The following CDK5RAP2 variants were observed in gnomAD, a reference collection of about 807,000 sequenced individuals.
CDK5RAP2 encodes the protein CDK5 regulatory subunit associated protein 2.
In CDK5RAP2, 147 loss-of-function variants were observed where a neutral mutation model predicts 232.9. That is an observed-to-expected ratio of 0.63 (90% CI 0.55 to 0.72). The LOEUF (loss-of-function observed/expected upper bound fraction) is 0.72. Among genes scored for constraint, CDK5RAP2 ranks in the 30% least tolerant of loss-of-function variants. CDK5RAP2 has a pLI of 0.00. For synonymous variants in CDK5RAP2, 833 were observed against 833.7 expected (o/e 1.00, Z 0.01); for missense variants, 2,195 against 2,231.5 (o/e 0.98, Z 0.33).
chr9:120,395,192 A>G (rs10429579), intron 35 of CDK5RAP2, among the ~76,000 whole-genome samples: 1 of 152,080 alleles, frequency 6.6e-6, no homozygotes, highest in Admixed American at 6.5e-5. Context: ...GTCCTGTATA[A>G]AAGGCATTCC....
intron 34 of CDK5RAP2, chr9:120,401,126 A>C: frequency 1.9e-6 from 1 of 524,380 alleles, no homozygotes; most frequent in Non-Finnish European, 3.4e-6. Flanking sequence ...ACCATGGTTA[A>C]TAACCACCAG....
At position 120,400,735 on chromosome 9, in the gene CDK5RAP2, C is replaced by CACCT; in HGVS notation, c.5451+3_5451+6dup. Reference sequence around the variant, plus strand: ...CTTGAGCCTCTGAAACATGTGTCACCACCTACCTGCTCACAGTGAAGGGGG... The same window carrying CACCT: ...CTTGAGCCTCTGAAACATGTGTCACCACCTACCTACCTGCTCACAGTGAAGGGGG... On this transcript the variant is annotated splice_region_variant and intron_variant, in intron 35 of 37. Coordinates refer to ENST00000349780, the MANE Select transcript of CDK5RAP2 (RefSeq NM_018249.6). The CACCT allele has an allele frequency of 2.5e-6, 4 of 1,613,272 alleles. No homozygotes were observed. In the East Asian group the frequency reaches 8.9e-5, roughly 36 times the overall value.
chr9:120,557,758 C>CA lies in CDK5RAP2; in HGVS notation c.196-6857dup, dbSNP rs1211251661. Among the ~76,000 whole-genome samples the CA allele has an allele frequency of 1.2e-4, 15 of 129,694 alleles. No individual in the cohort carries two copies. The South Asian group carries it at 2.4e-3, about 21-fold the overall frequency. 85.1% of individuals were successfully genotyped at this position (129,694 alleles called of 152,430 possible). A position where few individuals can be genotyped will look rare whatever the true frequency, so the allele number is the denominator to read the frequency against. On this transcript the variant is annotated intron_variant, in intron 3 of 37. Coordinates refer to ENST00000349780, the MANE Select transcript of CDK5RAP2 (RefSeq NM_018249.6). ...TGGGTGACAGAGTGAGACCCTCTGTCAAAAAAAAACTTTTTTTTTTTTTTT... is the reference window on the plus strand; with the variant it reads ...TGGGTGACAGAGTGAGACCCTCTGTCAAAAAAAAAACTTTTTTTTTTTTTTT...
At chr9:120,530,274 T>C in intron 7 of CDK5RAP2, 134 bp from the exon 8 acceptor site, 2 of 656,526 alleles carry the variant, frequency 3.0e-6, no homozygotes, top group Non-Finnish European at 5.3e-6. Flanking sequence ...AGAATCACAT[T>C]TTGCAGGTAG....
chr9:120,441,816 T>C (rs757040313), intron 23 of CDK5RAP2, among the ~76,000 whole-genome samples: 43 of 152,358 alleles, frequency 2.8e-4, no homozygotes, highest in Middle Eastern at 3.4e-3. Flanking sequence ...CACAATGTTA[T>C]GATAATTACT....
intron 22 of CDK5RAP2, among the ~76,000 whole-genome samples, 184 bp downstream of exon 22, chr9:120,447,711 T>G (rs900107727): frequency 6.6e-6 from 1 of 152,182 alleles, no homozygotes; most frequent in Non-Finnish European, 1.5e-5. Context: ...ATGAAAGCAA[T>G]AGATTCATTC....
At chr9:120,400,609 G>A (rs1445750602) in intron 35 of CDK5RAP2, 133 bp downstream of exon 35, 7 of 1,037,564 alleles carry the variant, frequency 6.7e-6, no homozygotes, top group African/African-American at 1.6e-5. Flanking sequence ...CATGGCAAAC[G>A]GTGCCATCTC....
In CDK5RAP2 at chr9:120,539,679, C is replaced by T. The variant is rs553794573; in HGVS notation, c.384-515G>A. On this transcript the variant is annotated intron_variant, in intron 5 of 37. Transcript: ENST00000349780. ...AAAGTAAGTATTCAATAAATGTTGG[C>T]GATACTGTTTACTGTAATAAGTAAT... is the stretch of plus-strand genomic sequence containing the variant. Among the ~76,000 whole-genome samples, 6 of 152,272 alleles carry T rather than the reference C, an allele frequency of 3.9e-5. No individual in the cohort carries two copies. The South Asian group carries it at 8.3e-4, about 21-fold the overall frequency.
chr9:120,507,928 A>T (rs2039893006), intron 12 of CDK5RAP2, among the ~76,000 whole-genome samples: 10 of 70,492 alleles, frequency 1.4e-4, no homozygotes, highest in African/African-American at 3.7e-4. Flanking sequence ...AAAAAAAAAA[A>T]AAAAAAAAAA....
chr9:120,407,335 C>T lies in CDK5RAP2; in HGVS notation c.4727-87G>A, dbSNP rs2282167. The T allele has an allele frequency of 2.5e-3, 2,384 of 948,632 alleles. 76 individuals are homozygous for T. The East Asian group carries it at 0.052, about 21-fold the overall frequency. The allele number at this position is 948,632 out of a possible 1,614,324, so 58.8% of individuals were successfully genotyped here. On this transcript the variant is annotated intron_variant, in intron 31 of 37. Transcript: ENST00000349780. ...GGAACTCAATCGCATTTTACACTCA[C>T]CACCACCATCGCCCTCCCCCTTCCT...
At chr9:120,486,409 T>TTA (rs527765866) in intron 14 of CDK5RAP2, among the ~76,000 whole-genome samples, 1 of 132,840 alleles carries the variant, frequency 7.5e-6, no homozygotes, top group African/African-American at 2.7e-5. Context: ...GTTTTTCTTT[T>TTA]AAAAAAAAAA....
intron 19 of CDK5RAP2, among the ~76,000 whole-genome samples, chr9:120,459,858 C>A (rs2036983904): frequency 1.3e-5 from 2 of 152,182 alleles, no homozygotes; most frequent in Non-Finnish European, 2.9e-5. Context: ...ACCCTGAAGG[C>A]CAAAAATGCC....
In CDK5RAP2 at chr9:120,409,325, A is replaced by G. The variant is rs2033699265; in HGVS notation, c.4415-9T>C. 4.5e-6 allele frequency: 7 copies of G among 1,572,048 alleles called. No homozygotes were observed. The highest frequency in any genetic ancestry group is 6.0e-6 in the Non-Finnish European group (7 of 1,158,358). On this transcript the variant is annotated splice_polypyrimidine_tract_variant and intron_variant, in intron 29 of 37. Coordinates refer to ENST00000349780, the MANE Select transcript of CDK5RAP2 (RefSeq NM_018249.6). ...ATTCTCCTTCTGTTTATCTGCAAAC[A>G]TAAAAAGGTGCCACTGAGAAGGGCC...
chr9:120,452,240 C>T (rs1169945642), intron 21 of CDK5RAP2, among the ~76,000 whole-genome samples: 1 of 131,648 alleles, frequency 7.6e-6, no homozygotes, highest in South Asian at 2.3e-4. Context: ...TAATGGCAGT[C>T]TCTCTCTCTC....
At position 120,388,951 on chromosome 9, in the gene CDK5RAP2, C is replaced by T. The variant is rs543647441; in HGVS notation, c.*285G>A. 42 of 529,742 alleles carry T rather than the reference C, an allele frequency of 7.9e-5. No homozygotes were observed. Among genetic ancestry groups the T allele is most frequent in the East Asian group, 6.7e-4 (21 of 31,316 alleles). The allele number at this position is 529,742 out of a possible 1,614,324, so 32.8% of individuals were successfully genotyped here. On this transcript the variant is annotated 3_prime_UTR_variant, in exon 38 of 38. Transcript: ENST00000349780. Reference sequence around the variant, plus strand: ...AGTACTAAGCAAATCCAGGGGAAGACGTGAAGCCCACCAAGGCGCACAGCC... The same window carrying T: ...AGTACTAAGCAAATCCAGGGGAAGATGTGAAGCCCACCAAGGCGCACAGCC...
rs141702934 is a variant in CDK5RAP2 at position 120,527,925 on chromosome 9, C to G, written c.880G>C (p.Ala294Pro). ...ERNSFEERIQ[A>P]LEEDLREKER... is the part of the protein sequence containing the mutation. ...TTCTCTCTCAGGTCCTCTTCAAGTG[C>G]CTAAATTAGATTAGAAAAAGATTCA... Residue 294 changes from alanine to proline, a missense_variant and splice_region_variant, in exon 10 of 38, where the codon GCA becomes CCA. By Grantham distance (27) the Ala-to-Pro change is conservative. Coordinates refer to ENST00000349780, the MANE Select transcript of CDK5RAP2 (RefSeq NM_018249.6). 8 of 1,613,556 alleles carry G rather than the reference C, an allele frequency of 5.0e-6. No individual in the cohort carries two copies. The African/African-American group carries it at 6.7e-5, about 13-fold the overall frequency.
At chr9:120,523,324 C>T (rs1196000944) in intron 11 of CDK5RAP2, among the ~76,000 whole-genome samples, 2 of 152,108 alleles carry the variant, frequency 1.3e-5, no homozygotes, top group Admixed American at 6.6e-5. Flanking sequence ...ATGTTTATGC[C>T]GGTCTCTCTG....
rs1032764437 is a variant in CDK5RAP2, at chr9:120,458,351, G to A, written c.2375+99C>T. The stretch of plus-strand genomic sequence containing the variant: ...CAAGCCATTTCAGGAGCTCTCTCAG[G>A]TAAATTACACAGCACGATCATCTAA... On this transcript the variant is annotated intron_variant, in intron 20 of 37. Transcript: ENST00000349780. 3 of 1,173,228 alleles carry A rather than the reference G, an allele frequency of 2.6e-6. No individual in the cohort carries two copies. The Admixed American group carries it at 5.6e-5, about 22-fold the overall frequency. 72.7% of individuals were successfully genotyped at this position (1,173,228 alleles called of 1,614,324 possible). A position where few individuals can be genotyped will look rare whatever the true frequency, so the allele number is the denominator to read the frequency against.
rs141556032 is a variant in CDK5RAP2 at position 120,400,573 on chromosome 9, C to T, written c.5451+169G>A. Among the ~76,000 whole-genome samples the T allele has an allele frequency of 1.1e-4, 16 of 152,254 alleles. No individual in the cohort carries two copies. The East Asian group carries it at 2.7e-3, about 26-fold the overall frequency. On this transcript the variant is annotated intron_variant, in intron 35 of 37. Transcript: ENST00000349780. ...GGGTCATGGCTACAGGAGTGTGGGA[C>T]GGATCAAGTAAGAACACAGTGAAGC... is the stretch of plus-strand genomic sequence containing the variant.
Sources: allele counts gnomAD v4.1 joint callset (sites outside exome capture counted in the v4.1 genomes callset), GRCh38; gene constraint gnomAD v4.1.1; transcripts MANE v1.5; gene names NCBI Gene and HGNC (gene_info 2026-07-23, HGNC 2026-07-21).